Variants in NTM observed in about 807,000 individuals in gnomAD.
The protein encoded by NTM is neurotrimin, also known as IgLON family member 2.
NTM carries 13 observed loss-of-function variants against 42.1 expected under a neutral mutation model. The ratio of observed to expected loss-of-function variants is 0.31; its 90% confidence interval spans 0.20 to 0.49. The LOEUF (loss-of-function observed/expected upper bound fraction) is 0.49, where lower values mean the gene tolerates loss of function less well. Ranked by LOEUF, NTM falls within the 20% of genes least tolerant of loss-of-function variation. The pLI is 0.99. For synonymous variants in NTM, 187 were observed against 179.2 expected, an observed-to-expected ratio of 1.04 and a Z score of -0.35; for missense variants, 373 against 452.8, an observed-to-expected ratio of 0.82 and a Z score of 1.60.
intron 2 of NTM, among the ~76,000 whole-genome samples, chr11:131,913,925 C>G (rs775857881): frequency 6.6e-6 from 1 of 152,138 alleles, no homozygotes; most frequent in Non-Finnish European, 1.5e-5. Context: ...ACAGGCCTGA[C>G]TTAGGATGTG....
rs368118259 is a variant in NTM, at chr11:132,093,530, T to G, written c.168-52752T>G. Among the ~76,000 whole-genome samples the G allele has an allele frequency of 1.5e-3, 231 of 152,332 alleles. 1 individual carries two copies. The highest frequency in any genetic ancestry group is 5.3e-3 in the African/African-American group (221 of 41,576). ...CTCCTGCCCATCTTCATGCTGCACT[T>G]TAGACATCAACCACCCAGAATAGCT... On this transcript the variant is annotated intron_variant, in intron 2 of 8. Transcript: ENST00000683400.
At chr11:131,849,969 A>T (rs1035444410) in intron 1 of NTM, among the ~76,000 whole-genome samples, 225 of 16,428 alleles carry the variant, frequency 0.014, no homozygotes, top group African/African-American at 0.028. Flanking sequence ...CTTAAAGTAT[A>T]ATAATAATAA....
chr11:131,634,146 A>C (rs1294106061), intron 1 of NTM, among the ~76,000 whole-genome samples: 2 of 152,118 alleles, frequency 1.3e-5, no homozygotes, highest in African/African-American at 4.8e-5. Context: ...ATTTCACTTC[A>C]CCAGTGAGCT....
intron 1 of NTM, among the ~76,000 whole-genome samples, chr11:131,806,717 C>A (rs1463837743): frequency 6.6e-6 from 1 of 152,126 alleles, no homozygotes; most frequent in Non-Finnish European, 1.5e-5. Context: ...ACACATCTCA[C>A]CGTATCGGTC....
intron 2 of NTM, among the ~76,000 whole-genome samples, chr11:132,125,617 GT>G (rs1399217223): frequency 1.2e-5 from 1 of 80,554 alleles, no homozygotes; most frequent in African/African-American, 4.7e-5. Context: ...TGTGTGTGGT[GT>G]TTGGTGGTGT....
At chr11:131,623,555 T>C (rs1020857018) in intron 1 of NTM, among the ~76,000 whole-genome samples, 1 of 152,218 alleles carries the variant, frequency 6.6e-6, no homozygotes, top group African/African-American at 2.4e-5. Context: ...TGAAAATTCA[T>C]TTGGATAGCA....
intron 1 of NTM, among the ~76,000 whole-genome samples, chr11:131,602,827 G>A (rs1417413695): frequency 6.6e-6 from 1 of 152,122 alleles, no homozygotes; most frequent in Non-Finnish European, 1.5e-5. Flanking sequence ...ATTGACTCAA[G>A]AGCTCATGCT....
chr11:131,870,255 T>G (rs1308346010), intron 1 of NTM, among the ~76,000 whole-genome samples: 1 of 152,228 alleles, frequency 6.6e-6, no homozygotes, highest in African/African-American at 2.4e-5. Context: ...GTTTTACCAT[T>G]TACTTACATG....
Position 132,036,957 on chromosome 11 carries a change from C to T in NTM, c.168-109325C>T, listed in dbSNP as rs189423218. 2.2e-3 allele frequency among the ~76,000 whole-genome samples: 333 copies of T among 152,216 alleles called. 3 individuals carry two copies. Among genetic ancestry groups the T allele is most frequent in the African/African-American group, 7.8e-3 (324 of 41,542 alleles). The stretch of plus-strand genomic sequence containing the variant: ...TCAGCACTGAATGCACGTCAGGAGA[C>T]CTGAGTCCTGTCTCAGTGTTTCCAC... On this transcript the variant is annotated intron_variant, in intron 2 of 8. Coordinates refer to ENST00000683400, the MANE Select transcript of NTM (RefSeq NM_001352005.2).
intron 1 of NTM, among the ~76,000 whole-genome samples, chr11:131,559,344 A>T (rs2055897746): frequency 6.6e-6 from 1 of 152,246 alleles, no homozygotes; most frequent in Non-Finnish European, 1.5e-5. Context: ...CTGGTATTTC[A>T]ATCGAGTGTT....
intron 1 of NTM, among the ~76,000 whole-genome samples, chr11:131,395,559 T>C (rs1469289871): frequency 6.6e-6 from 1 of 152,216 alleles, no homozygotes; most frequent in Non-Finnish European, 1.5e-5. Context: ...TTATAATTAA[T>C]GCTCAGAAAC....
chr11:131,953,718 C>A, intron 2 of NTM, among the ~76,000 whole-genome samples: 1 of 151,900 alleles, frequency 6.6e-6, no homozygotes. Flanking sequence ...TGTAGAGCAT[C>A]AATTCACTTT....
Position 131,789,645 on chromosome 11 carries a change from G to GAAGAA in NTM, c.83-121918_83-121914dup, listed in dbSNP as rs1555128004. ...AAGAAGAAGAAGAAGAAAAGAAGAA[G>GAAGAA]AAGAAGAAGAAGAAGAAGAAGAAAG... On this transcript the variant is annotated intron_variant, in intron 1 of 8. Coordinates refer to ENST00000683400, the MANE Select transcript of NTM (RefSeq NM_001352005.2). 7.8e-5 allele frequency among the ~76,000 whole-genome samples: 10 copies of GAAGAA among 128,302 alleles called. No individual in the cohort carries two copies. In the Admixed American group the frequency reaches 1.0e-3, roughly 13 times the overall value. The allele number at this position is 128,302 out of a possible 152,430, so 84.2% of individuals were successfully genotyped here. A position where few individuals can be genotyped will look rare whatever the true frequency, so the allele number is the denominator to read the frequency against.
At chr11:132,046,914 A>G (rs1268448277) in intron 2 of NTM, among the ~76,000 whole-genome samples, 1 of 152,156 alleles carries the variant, frequency 6.6e-6, no homozygotes, top group Non-Finnish European at 1.5e-5. Context: ...TCACCTGGTT[A>G]TTCTCTCATA....
chr11:132,220,841 T>C (rs2084999038), intron 4 of NTM, among the ~76,000 whole-genome samples: 1 of 152,142 alleles, frequency 6.6e-6, no homozygotes, highest in African/African-American at 2.4e-5. Context: ...CAACCAGCCA[T>C]AGCTCAGTAA....
chr11:132,329,989 T>C (rs1335234916), intron 7 of NTM, 164 bp from the exon 8 acceptor site: 1 of 701,160 alleles, frequency 1.4e-6, no homozygotes, highest in Non-Finnish European at 1.8e-6. Context: ...GGGGGTCACA[T>C]AGGAGGGCTG....
chr11:132,113,978 T>C (rs1474016878), intron 2 of NTM, among the ~76,000 whole-genome samples: 1 of 152,228 alleles, frequency 6.6e-6, no homozygotes, highest in Admixed American at 6.5e-5. Flanking sequence ...GCTTTTTGTT[T>C]CTTTTCATGT....
intron 1 of NTM, among the ~76,000 whole-genome samples, chr11:131,612,766 T>C (rs2061564434): frequency 6.6e-6 from 1 of 152,228 alleles, no homozygotes; most frequent in East Asian, 1.9e-4. Context: ...GCCACACCAG[T>C]TGGCAGATGT....
intron 1 of NTM, among the ~76,000 whole-genome samples, chr11:131,832,340 T>C (rs1003596970): frequency 3.9e-5 from 6 of 152,074 alleles, no homozygotes; most frequent in African/African-American, 1.4e-4. Flanking sequence ...ATGTGATGTT[T>C]GGCAAAGCAA....
Sources: allele counts gnomAD v4.1 joint callset (sites outside exome capture counted in the v4.1 genomes callset), GRCh38; gene constraint gnomAD v4.1.1; transcripts MANE v1.5; gene names NCBI Gene and HGNC (gene_info 2026-07-23, HGNC 2026-07-21).